The following SLC22A2 variants were observed in gnomAD, a reference collection of about 807,000 sequenced individuals.
SLC22A2 encodes solute carrier family 22 member 2.
Under a neutral mutation model 60.5 loss-of-function variants are expected in SLC22A2, and 46 were observed. The observed-to-expected ratio is 0.76, with a 90% CI of 0.60 to 0.97. The LOEUF (loss-of-function observed/expected upper bound fraction) is 0.97. Among genes scored for constraint, SLC22A2 ranks in the 50% least tolerant of loss-of-function variants. SLC22A2 has a pLI of 0.00. For synonymous variants in SLC22A2, 303 were observed against 267.0 expected (o/e 1.13, Z -1.31); for missense variants, 701 against 706.6 (o/e 0.99, Z 0.09).
At chr6:160,217,626 A>G in intron 10 of SLC22A2, 128 bp from the exon 11 acceptor site, 1 of 624,802 alleles carries the variant, frequency 1.6e-6, no homozygotes, top group East Asian at 2.8e-5. Flanking sequence ...TAGTCTTGCA[A>G]TGTGTTCTGA....
At chr6:160,243,895 C>T in intron 6 of SLC22A2, 109 bp from the exon 7 acceptor site, 2 of 697,022 alleles carry the variant, frequency 2.9e-6, no homozygotes, top group South Asian at 3.6e-5. Flanking sequence ...TCCCTGTGAC[C>T]ATCTCCTTGC....
chr6:160,224,737 A>T lies in SLC22A2; in HGVS notation c.1569T>A (p.Pro523=). ...LLPETKGKAL[P]ETIEEAENMQ... is the part of the protein sequence containing the mutation. Reference sequence around the variant, plus strand: ...TATTTTCGGCTTCCTCGATGGTCTCAGGCAAAGCTTTCCCTTTAGTTTCTG... The same window carrying T: ...TATTTTCGGCTTCCTCGATGGTCTCTGGCAAAGCTTTCCCTTTAGTTTCTG... The change falls in exon 10 of 11, where the codon CCT becomes CCA. Residue 523 remains proline (P), a synonymous_variant. Transcript: ENST00000366953. 5 of 1,608,136 alleles carry T rather than the reference A, an allele frequency of 3.1e-6. No homozygotes were observed. Among genetic ancestry groups the T allele is most frequent in the Non-Finnish European group, 4.2e-6 (5 of 1,176,644 alleles).
chr6:160,233,590 T>C (rs143041500), intron 9 of SLC22A2, among the ~76,000 whole-genome samples: 4,850 of 152,046 alleles, frequency 0.032, 134 homozygotes, highest in Non-Finnish European at 0.048. Context: ...TCCTGGGTCC[T>C]CCCAATTCTT....
chr6:160,219,206 GGAA>G (rs1782604276), intron 10 of SLC22A2, among the ~76,000 whole-genome samples: 2 of 55,912 alleles, frequency 3.6e-5, no homozygotes, highest in African/African-American at 6.8e-5. Context: ...AGCAGCAGTA[GGAA>G]CAGCAGCAAT....
At chr6:160,217,898 C>T (rs1479355804) in intron 10 of SLC22A2, 1 of 156,912 alleles carries the variant, frequency 6.4e-6, no homozygotes, top group Non-Finnish European at 1.4e-5. Flanking sequence ...ATTTACTTTT[C>T]AACAGCTTGA....
In SLC22A2 at chr6:160,228,908, C is replaced by T. The variant is rs1362926296; in HGVS notation, c.1502-4104G>A. Among the ~76,000 whole-genome samples, 4 of 151,778 alleles carry T rather than the reference C, an allele frequency of 2.6e-5. No homozygotes were observed. The East Asian group carries it at 7.7e-4, about 29-fold the overall frequency. ...TGACTGTAATTTTCCATTACCTACCCAAATCCTATAAAACGGCCCCACCCC... is the reference window on the plus strand; with the variant it reads ...TGACTGTAATTTTCCATTACCTACCTAAATCCTATAAAACGGCCCCACCCC... On this transcript the variant is annotated intron_variant, in intron 9 of 10. Transcript: ENST00000366953.
intron 2 of SLC22A2, among the ~76,000 whole-genome samples, chr6:160,255,538 A>C (rs1048075631): frequency 2.6e-5 from 4 of 152,164 alleles, no homozygotes; most frequent in African/African-American, 9.7e-5. Flanking sequence ...TTTACCATGT[A>C]TTTCAGTTAT....
At chr6:160,218,072 T>C (rs1039578449) in intron 10 of SLC22A2, 10 of 172,950 alleles carry the variant, frequency 5.8e-5, no homozygotes, top group African/African-American at 1.9e-4. Context: ...TTTATAGCAA[T>C]ATTGAATCAG....
chr6:160,234,233 G>T (rs530897867), intron 9 of SLC22A2, among the ~76,000 whole-genome samples: 2 of 151,952 alleles, frequency 1.3e-5, no homozygotes, highest in South Asian at 4.2e-4. Flanking sequence ...CTCTCTTTTC[G>T]GACTCAGCCT....
In SLC22A2 at chr6:160,243,753, G is replaced by A; in HGVS notation, c.1098C>T (p.Ile366=). 1 of 1,613,952 alleles carries A rather than the reference G, an allele frequency of 6.2e-7. No homozygotes were observed. The highest frequency in any genetic ancestry group is 1.3e-5 in the African/African-American group (1 of 75,054). The change falls in exon 7 of 11, where the codon ATC becomes ATT. Residue 366 remains isoleucine, a synonymous_variant. Coordinates refer to ENST00000366953, the MANE Select transcript of SLC22A2 (RefSeq NM_003058.4). The part of the protein sequence containing the change: ...FTSSVLYQGL[I]MHMGLAGDNI... ...TGTCACCTGCAAGGCCCATGTGCAT[G>A]ATGAGGCCCTGGTAGAGCACAGAGC...
At chr6:160,224,445 T>C (rs1452605695) in intron 10 of SLC22A2, among the ~76,000 whole-genome samples, 2 of 152,190 alleles carry the variant, frequency 1.3e-5, no homozygotes, top group Non-Finnish European at 2.9e-5. Flanking sequence ...AAAGCAAACA[T>C]ATTGACCTTT....
chr6:160,230,439 T>C (rs922072140), intron 9 of SLC22A2, among the ~76,000 whole-genome samples: 1 of 151,942 alleles, frequency 6.6e-6, no homozygotes, highest in African/African-American at 2.4e-5. Context: ...ACCCTGAGAC[T>C]GTTTACAGCC....
intron 9 of SLC22A2, among the ~76,000 whole-genome samples, chr6:160,234,162 G>A (rs1009503235): frequency 6.6e-6 from 1 of 151,914 alleles, no homozygotes; most frequent in Non-Finnish European, 1.5e-5. Flanking sequence ...CACTTTGACT[G>A]TAATTTTCCT....
chr6:160,251,155 CCTTT>C (rs1783179941), intron 2 of SLC22A2, among the ~76,000 whole-genome samples: 1 of 152,192 alleles, frequency 6.6e-6, no homozygotes. Context: ...GTATATACCC[CCTTT>C]CTTTTTCAAC....
intron 10 of SLC22A2, among the ~76,000 whole-genome samples, chr6:160,224,063 T>C (rs992900333): frequency 2.6e-5 from 4 of 152,124 alleles, no homozygotes; most frequent in Non-Finnish European, 5.9e-5. Context: ...TATTGCATTG[T>C]CCATTATAGA....
At chr6:160,237,897 G>T (rs1782936343) in intron 9 of SLC22A2, among the ~76,000 whole-genome samples, 1 of 152,208 alleles carries the variant, frequency 6.6e-6, no homozygotes, top group Non-Finnish European at 1.5e-5. Flanking sequence ...ACCTCTGGTT[G>T]TCCTCACTGC....
chr6:160,230,463 G>T lies in SLC22A2; in HGVS notation c.1502-5659C>A, dbSNP rs150624896. 8.4e-3 allele frequency among the ~76,000 whole-genome samples: 1,272 copies of T among 151,902 alleles called. 44 individuals carry two copies. Among genetic ancestry groups the T allele is most frequent in the African/African-American group, 0.029 (1,210 of 41,236 alleles). On this transcript the variant is annotated intron_variant, in intron 9 of 10. Transcript: ENST00000366953. ...CTGTTTACAGCCCTAGACCCTGAAG[G>T]GTCAGAAGGCCATCTCATTCTAAAT...
rs757595900 is a variant in SLC22A2, at chr6:160,243,691, T to C, written c.1160A>G (p.Glu387Gly). 12 of 1,613,894 alleles carry C rather than the reference T, an allele frequency of 7.4e-6. No individual in the cohort carries two copies. The East Asian group carries it at 2.7e-4, about 36-fold the overall frequency. ...YLDFFYSALVEFPAAFMIILT... is the reference protein window; with the variant it reads ...YLDFFYSALVGFPAAFMIILT... ...GATGATCATGAAGGCAGCTGGGAATTCAACCAGGGCAGAGTAGAAGAAATC... is the reference window on the plus strand; with the variant it reads ...GATGATCATGAAGGCAGCTGGGAATCCAACCAGGGCAGAGTAGAAGAAATC... The change falls in exon 7 of 11, where the codon GAA (glutamate) becomes GGA (glycine). Residue 387 changes from glutamate (E) to glycine (G), a missense_variant. Physicochemically the swap from Glu to Gly is moderately conservative, Grantham distance 98. Transcript: ENST00000366953.
At chr6:160,258,036 C>A (rs750520993) in intron 1 of SLC22A2, 4 of 313,726 alleles carry the variant, frequency 1.3e-5, no homozygotes, top group South Asian at 7.3e-5. Flanking sequence ...AGAGGAGGAT[C>A]CACAATATCC....
Sources: gnomAD v4.1 joint callset for allele counts (sites outside exome capture counted in the v4.1 genomes callset) on GRCh38, gnomAD v4.1.1 for gene constraint, MANE v1.5 for transcripts, NCBI Gene and HGNC (gene_info 2026-07-23, HGNC 2026-07-21) for gene names.